The following KLHL24 variants were observed in gnomAD, a reference collection of about 807,000 sequenced individuals.
KLHL24 encodes the protein kelch-like protein 24.
Under a neutral mutation model 53.4 loss-of-function variants are expected in KLHL24, and 29 were observed. The ratio of observed to expected loss-of-function variants is 0.54; its 90% CI spans 0.40 to 0.74. KLHL24 has a LOEUF of 0.74. Ranked by LOEUF, KLHL24 falls within the 30% of genes least tolerant of loss-of-function variation. The pLI, the probability that KLHL24 is intolerant of heterozygous loss-of-function variation, is 0.00. For missense variants in KLHL24, 504 were observed against 744.0 expected (o/e 0.68, Z 3.75); for synonymous variants, 222 against 253.7 (o/e 0.88, Z 1.19).
rs1718161218 is a variant in KLHL24, at chr3:183,651,814, T to C, written c.920+538T>C. On this transcript the variant is annotated intron_variant, in intron 3 of 7. Transcript: ENST00000242810. ...ACTAAAAATAATTAGCCAGGCATGG[T>C]GGCACGGACCTGTAGTCCCAGTTAC... Among the ~76,000 whole-genome samples the C allele has an allele frequency of 2.0e-5, 3 of 152,138 alleles. No individual in the cohort carries two copies. The South Asian group carries it at 6.2e-4, about 32-fold the overall frequency.
chr3:183,659,548 CGA>C (rs1180560405), intron 3 of KLHL24, among the ~76,000 whole-genome samples: 1 of 152,114 alleles, frequency 6.6e-6, no homozygotes, highest in Non-Finnish European at 1.5e-5. Flanking sequence ...GAAAAGGATA[CGA>C]GAATCAGTGT....
Position 183,663,001 on chromosome 3 carries a change from G to T in KLHL24, c.921-457G>T, listed in dbSNP as rs1233875838. On this transcript the variant is annotated intron_variant, in intron 3 of 7. Coordinates refer to ENST00000242810, the MANE Select transcript of KLHL24 (RefSeq NM_017644.3). The surrounding 1 kb of genome is among the most constrained non-coding windows in gnomAD (Gnocchi z 4.9). ...AGTACATATACATATTCCTTTAAAG[G>T]GTGCTTGGATTATACTATGAATTAG... 6.6e-6 allele frequency among the ~76,000 whole-genome samples: 1 copy of T among 151,914 alleles called. No individual in the cohort carries two copies. The highest frequency in any genetic ancestry group is 1.5e-5 in the Non-Finnish European group (1 of 67,994).
At chr3:183,637,410 T>G (rs1159016436) in intron 1 of KLHL24, among the ~76,000 whole-genome samples, 7 of 152,206 alleles carry the variant, frequency 4.6e-5, no homozygotes, top group Non-Finnish European at 8.8e-5. Flanking sequence ...GGATTCTAGG[T>G]CACACACTTC....
intron 5 of KLHL24, among the ~76,000 whole-genome samples, chr3:183,670,830 A>G (rs1721241871): frequency 6.6e-6 from 1 of 152,228 alleles, no homozygotes; most frequent in South Asian, 2.1e-4. Flanking sequence ...TAGGAAGAAA[A>G]TACCTAAAAA....
chr3:183,641,018 G>A (rs943385661), intron 1 of KLHL24, among the ~76,000 whole-genome samples: 6 of 152,054 alleles, frequency 3.9e-5, no homozygotes, highest in African/African-American at 1.5e-4. Context: ...ACATGGTCCA[G>A]GAACCACTGC....
intron 3 of KLHL24, among the ~76,000 whole-genome samples, chr3:183,658,101 T>C (rs1719168683): frequency 6.6e-6 from 1 of 151,846 alleles, no homozygotes; most frequent in Non-Finnish European, 1.5e-5. Context: ...TAATCACAGC[T>C]ACTTGGGAGG....
chr3:183,636,092 G>C (rs116534264), intron 1 of KLHL24: 2,633 of 152,680 alleles, frequency 0.017, 83 homozygotes, highest in African/African-American at 0.061. Flanking sequence ...TGGTTGCCGG[G>C]ACTGGGGGTA....
intron 7 of KLHL24, among the ~76,000 whole-genome samples, chr3:183,674,512 C>G (rs962934282): frequency 5.3e-5 from 8 of 152,046 alleles, no homozygotes; most frequent in Non-Finnish European, 8.8e-5. Context: ...AGGCGCCCAC[C>G]ACCAAGCCCA....
At position 183,650,277 on chromosome 3, in the gene KLHL24, T is replaced by C; in HGVS notation, c.-61-19T>C. ...TGAATTTTTTGCATATTGAAATGTT[T>C]TCCTTTTTTTACTTTTAGCCACATA... is the stretch of plus-strand genomic sequence containing the variant. On this transcript the variant is annotated intron_variant, in intron 2 of 7. Transcript: ENST00000242810. This position sits in a 1 kb window ranked among gnomAD's most constrained non-coding sequence, Gnocchi z 4.5. 2 of 1,123,194 alleles carry C rather than the reference T, an allele frequency of 1.8e-6. No individual in the cohort carries two copies. Among genetic ancestry groups the C allele is most frequent in the Non-Finnish European group, 2.5e-6 (2 of 788,432 alleles). 69.6% of individuals were successfully genotyped at this position (1,123,194 alleles called of 1,614,324 possible). A position where few individuals can be genotyped will look rare whatever the true frequency, so the allele number is the denominator to read the frequency against.
In KLHL24 at chr3:183,651,136, G is replaced by A. The variant is rs775148228; in HGVS notation, c.780G>A (p.Leu260=). Residue 260 remains leucine (L), a synonymous_variant, in exon 3 of 8, where the codon TTG becomes TTA. Coordinates refer to ENST00000242810, the MANE Select transcript of KLHL24 (RefSeq NM_017644.3). ...ELLTHVRLPL[L]HPNYFVQTVE... ...TGACACATGTGAGACTCCCTCTGTT[G>A]CATCCCAACTACTTTGTTCAAACAG... 2 of 1,614,122 alleles carry A rather than the reference G, an allele frequency of 1.2e-6. No individual in the cohort carries two copies. The highest frequency in any genetic ancestry group is 3.3e-5 in the Admixed American group (2 of 60,006).
intron 7 of KLHL24, among the ~76,000 whole-genome samples, chr3:183,674,317 T>TTCCTTCCC (rs1300720647): frequency 6.6e-6 from 1 of 151,080 alleles, no homozygotes; most frequent in Non-Finnish European, 1.5e-5. Context: ...TCTTCCTTCC[T>TTCCTTCCC]TCCTTCCCTT....
At chr3:183,660,381 GT>G (rs1719561733) in intron 3 of KLHL24, among the ~76,000 whole-genome samples, 1 of 151,776 alleles carries the variant, frequency 6.6e-6, no homozygotes, top group Non-Finnish European at 1.5e-5. Flanking sequence ...TCCTCCCCCT[GT>G]TTTAGCCTAC....
chr3:183,652,222 G>C (rs992445974), intron 3 of KLHL24, among the ~76,000 whole-genome samples: 3 of 152,190 alleles, frequency 2.0e-5, no homozygotes, highest in Admixed American at 6.5e-5. Context: ...GTTAAATATT[G>C]TAGCATATTT....
rs1712584215 is a variant in KLHL24 at position 183,680,659 on chromosome 3, C to G, written c.*1373C>G. The G allele has an allele frequency of 2.0e-5, 3 of 152,222 alleles. No individual in the cohort carries two copies. In the South Asian group the frequency reaches 6.2e-4, roughly 32 times the overall value. The allele number at this position is 152,222 out of a possible 1,614,324, so 9.4% of individuals were successfully genotyped here. On this transcript the variant is annotated 3_prime_UTR_variant, in exon 8 of 8. Coordinates refer to ENST00000242810, the MANE Select transcript of KLHL24 (RefSeq NM_017644.3). ...CTCAACTCCACTTTATAAAGCTTAT[C>G]AGTTTTCAGAGAGGAATGTGAATTT...
rs778827929 is a variant in KLHL24 at position 183,650,476 on chromosome 3, T to C, written c.120T>C (p.Phe40=). The C allele has an allele frequency of 6.2e-7, 1 of 1,614,190 alleles. No individual in the cohort carries two copies. Among genetic ancestry groups the C allele is most frequent in the South Asian group, 1.1e-5 (1 of 91,088 alleles). ...AATCTCTGACAGGTCATGAGTTTTT[T>C]GACTTCTCTTCAGGATCATCCCATG... ...DPKSLTGHEF[F]DFSSGSSHAE... is the part of the protein sequence containing the mutation. The change falls in exon 3 of 8, where the codon TTT becomes TTC. Residue 40 remains phenylalanine (F), a synonymous_variant. Coordinates refer to ENST00000242810, the MANE Select transcript of KLHL24 (RefSeq NM_017644.3). The surrounding 1 kb of genome is among the most constrained non-coding windows in gnomAD (Gnocchi z 4.5).
At chr3:183,669,012 G>T (rs1011339079) in intron 5 of KLHL24, among the ~76,000 whole-genome samples, 6 of 152,086 alleles carry the variant, frequency 3.9e-5, no homozygotes, top group Non-Finnish European at 7.3e-5. Flanking sequence ...CACTTCCCAA[G>T]ATTACACAAA....
intron 3 of KLHL24, among the ~76,000 whole-genome samples, chr3:183,661,602 GAAGT>G (rs1719807322): frequency 6.6e-6 from 1 of 152,162 alleles, no homozygotes. Flanking sequence ...AGCAGACATT[GAAGT>G]TACCCTTTAT....
At chr3:183,677,451 A>C (rs566389069) in intron 7 of KLHL24, among the ~76,000 whole-genome samples, 18 of 152,330 alleles carry the variant, frequency 1.2e-4, no homozygotes, top group African/African-American at 4.1e-4. Context: ...AGGCTAAGTC[A>C]TTCTGGGTGT....
intron 7 of KLHL24, among the ~76,000 whole-genome samples, chr3:183,675,628 T>C (rs969939707): frequency 2.6e-5 from 4 of 152,110 alleles, no homozygotes; most frequent in African/African-American, 9.7e-5. Flanking sequence ...GAATGATGCA[T>C]TTTTATTAAG....
Sources: allele counts gnomAD v4.1 joint callset (sites outside exome capture counted in the v4.1 genomes callset), GRCh38; gene constraint gnomAD v4.1.1; non-coding constraint Gnocchi (gnomAD v3.1); transcripts MANE v1.5; gene names NCBI Gene and HGNC (gene_info 2026-07-23, HGNC 2026-07-21).